ZDHHC15: variants seen among roughly 807,000 people sequenced by gnomAD.
ZDHHC15 encodes the protein palmitoyltransferase ZDHHC15.
A neutral mutation model predicts 31.7 loss-of-function variants in ZDHHC15; 19 were observed. That is an observed-to-expected ratio of 0.60 (90% CI 0.42 to 0.88). The LOEUF is 0.88. ZDHHC15 is among the 40% of genes least tolerant of loss of function. The probability of loss-of-function intolerance (pLI) is 0.00; values close to 1 mark genes in which losing one functional copy is unlikely to be tolerated. For synonymous variants in ZDHHC15, 103 were observed against 90.0 expected (o/e 1.14, Z -0.82); for missense variants, 209 against 251.2 (o/e 0.83, Z 1.14).
At position 75,372,718 on chromosome X, in the gene ZDHHC15, T is replaced by G. The variant is rs2083015941; in HGVS notation, c.*260A>C. The G allele has an allele frequency of 1.8e-5, 2 of 111,328 alleles. No homozygotes were observed. Among genetic ancestry groups the G allele is most frequent in the African/African-American group, 6.5e-5 (2 of 30,697 alleles). The allele number at this position is 111,328 out of a possible 1,213,427, so 9.2% of individuals were successfully genotyped here. A position where few individuals can be genotyped will look rare whatever the true frequency, so the allele number is the denominator to read the frequency against. ...CTTTCATGGATTGGGGGAGGGGAAA[T>G]GAAGAAACAAAAAAAATTGGCTTGA... On this transcript the variant is annotated 3_prime_UTR_variant, in exon 12 of 12. Transcript: ENST00000373367.
intron 4 of ZDHHC15, among the ~76,000 whole-genome samples, chrX:75,446,090 A>C (rs1426978977): frequency 8.9e-6 from 1 of 112,015 alleles, no homozygotes; most frequent in Non-Finnish European, 1.9e-5. Flanking sequence ...GAACTACTCA[A>C]ATTTTCTAAT....
chrX:75,504,102 C>A (rs2085124369), intron 2 of ZDHHC15, among the ~76,000 whole-genome samples: 1 of 111,266 alleles, frequency 9.0e-6, no homozygotes, highest in South Asian at 3.8e-4. Context: ...TCTGAAAAGA[C>A]CATCTTTCCA....
chrX:75,393,306 G>A (rs747559599), intron 10 of ZDHHC15, among the ~76,000 whole-genome samples: 8 of 111,023 alleles, frequency 7.2e-5, no homozygotes, highest in Non-Finnish European at 1.3e-4. Context: ...TCTGAAATAA[G>A]ACTCTCACTG....
intron 2 of ZDHHC15, among the ~76,000 whole-genome samples, chrX:75,482,043 T>C (rs1313628179): frequency 4.5e-5 from 5 of 111,699 alleles, no homozygotes; most frequent in Non-Finnish European, 9.4e-5. Flanking sequence ...AAGACGCCCA[T>C]AAGGTGTGCC....
intron 2 of ZDHHC15, among the ~76,000 whole-genome samples, chrX:75,488,773 A>G (rs1240040558): frequency 8.9e-6 from 1 of 111,871 alleles, no homozygotes; most frequent in Non-Finnish European, 1.9e-5. Context: ...CAGTGCACCA[A>G]GCGCTAGCCG....
At chrX:75,373,097 T>C (rs1043995836) in intron 11 of ZDHHC15, among the ~76,000 whole-genome samples, 152 bp from the exon 12 acceptor site, 14 of 111,452 alleles carry the variant, frequency 1.3e-4, no homozygotes, top group African/African-American at 4.6e-4. Flanking sequence ...AAAGGCAGGA[T>C]ATAAAATTAT....
chrX:75,389,014 G>T (rs1298019848), intron 10 of ZDHHC15, among the ~76,000 whole-genome samples: 2 of 111,841 alleles, frequency 1.8e-5, no homozygotes, highest in Non-Finnish European at 3.8e-5. Context: ...CCTAGCAGTG[G>T]TTGCATGGTA....
chrX:75,403,149 C>T (rs965311965), intron 10 of ZDHHC15, among the ~76,000 whole-genome samples: 6 of 112,238 alleles, frequency 5.3e-5, no homozygotes, highest in African/African-American at 1.9e-4. Context: ...ACATGATTAT[C>T]TCAATAGATT....
At chrX:75,488,842 C>G (rs183944252) in intron 2 of ZDHHC15, among the ~76,000 whole-genome samples, 109 of 112,267 alleles carry the variant, frequency 9.7e-4, no homozygotes, top group African/African-American at 3.5e-3. Flanking sequence ...CTTCCGTTTC[C>G]TAGCCAAAGA....
chrX:75,420,568 A>G (rs959256393), intron 9 of ZDHHC15, among the ~76,000 whole-genome samples: 1 of 111,834 alleles, frequency 8.9e-6, no homozygotes, highest in Non-Finnish European at 1.9e-5. Flanking sequence ...ATGCCCATCA[A>G]TGATAGACTG....
At chrX:75,410,607 G>T (rs770344710) in intron 10 of ZDHHC15, among the ~76,000 whole-genome samples, 1 of 111,969 alleles carries the variant, frequency 8.9e-6, no homozygotes, top group African/African-American at 3.2e-5. Flanking sequence ...CCAAGCACAT[G>T]AAAGGGGAAT....
intron 1 of ZDHHC15, among the ~76,000 whole-genome samples, chrX:75,508,011 C>T (rs983276130): frequency 3.6e-5 from 4 of 110,785 alleles, no homozygotes; most frequent in African/African-American, 6.6e-5. Context: ...TACAGCAGTG[C>T]GATCCAATAG....
At chrX:75,507,368 T>C (rs1426755817) in intron 1 of ZDHHC15, among the ~76,000 whole-genome samples, 1 of 110,847 alleles carries the variant, frequency 9.0e-6, no homozygotes, top group African/African-American at 3.3e-5. Flanking sequence ...ATTTTTTTTT[T>C]TTGCAAACTT....
intron 9 of ZDHHC15, among the ~76,000 whole-genome samples, chrX:75,418,587 A>G (rs12009100): frequency 0.02 from 2,191 of 112,071 alleles, 48 homozygotes; most frequent in African/African-American, 0.068. Context: ...TACAGTAACA[A>G]AAATAGCATG....
At chrX:75,378,279 T>A (rs948790440) in intron 11 of ZDHHC15, among the ~76,000 whole-genome samples, 5 of 112,115 alleles carry the variant, frequency 4.5e-5, no homozygotes, top group Admixed American at 9.5e-5. Flanking sequence ...ATGGGAATAG[T>A]AACATTCATC....
intron 3 of ZDHHC15, among the ~76,000 whole-genome samples, chrX:75,453,266 A>G (rs997110793): frequency 4.5e-5 from 5 of 112,118 alleles, no homozygotes; most frequent in African/African-American, 1.6e-4. Flanking sequence ...AAACACCTCT[A>G]CACAAATAAA....
At position 75,494,907 on chromosome X, in the gene ZDHHC15, TG is replaced by T. The variant is rs756028656; in HGVS notation, c.163+10913del. Among the ~76,000 whole-genome samples the T allele has an allele frequency of 2.2e-4, 25 of 111,479 alleles. No homozygotes were observed. The East Asian group carries it at 6.8e-3, about 30-fold the overall frequency. ...TCATGTCTAAAACACCGAAAGCAAT[TG>T]CAACAAAAGCCAAAATTGACAAATG... On this transcript the variant is annotated intron_variant, in intron 2 of 11. Coordinates refer to ENST00000373367, the MANE Select transcript of ZDHHC15 (RefSeq NM_144969.3).
chrX:75,498,010 C>T (rs755597484), intron 2 of ZDHHC15, among the ~76,000 whole-genome samples: 2 of 108,006 alleles, frequency 1.9e-5, no homozygotes, highest in African/African-American at 3.4e-5. Context: ...CTCAGCTCAC[C>T]GCAACCTCCA....
chrX:75,449,934 C>A (rs2084092777), intron 4 of ZDHHC15, among the ~76,000 whole-genome samples: 1 of 111,515 alleles, frequency 9.0e-6, no homozygotes, highest in Admixed American at 9.6e-5. Context: ...GAGTAAAATT[C>A]TGTATTGGAT....
Sources: allele counts gnomAD v4.1 joint callset (sites outside exome capture counted in the v4.1 genomes callset), GRCh38; gene constraint gnomAD v4.1.1; transcripts MANE v1.5; gene names NCBI Gene and HGNC (gene_info 2026-07-23, HGNC 2026-07-21).